The following CPVL variants were observed in gnomAD, a reference collection of about 807,000 sequenced individuals.
CPVL encodes the protein carboxypeptidase vitellogenic like.
Under a neutral mutation model 63.7 loss-of-function variants are expected in CPVL, and 51 were observed. That is an observed-to-expected ratio of 0.80 (90% CI 0.64 to 1.01). The LOEUF (loss-of-function observed/expected upper bound fraction) is 1.01, where lower values mean the gene tolerates loss of function less well. CPVL is among the 50% of genes least tolerant of loss of function. The pLI is 0.00. For missense variants in CPVL, 530 were observed against 573.1 expected (o/e 0.92, Z 0.77); for synonymous variants, 195 against 206.0 (o/e 0.95, Z 0.46).
intron 5 of CPVL, among the ~76,000 whole-genome samples, chr7:29,168,215 G>A (rs958788079): frequency 1.6e-4 from 25 of 152,032 alleles, no homozygotes; most frequent in South Asian, 1.5e-3. Context: ...ATAAAATGTC[G>A]GTTTATTTGT....
Position 29,096,146 on chromosome 7 carries a change from G to A in CPVL, c.360C>T (p.Leu120=). ...GGPGGSSMFG[L]FVEHGPYVVT... ...CAACATAAGGCCCATGTTCCACAAA[G>A]AGTCCAAACATGGATGAACCTCCCG... Residue 120 remains leucine, a synonymous_variant, in exon 4 of 13, where the codon CTC becomes CTT. Transcript: ENST00000265394. 2 of 1,614,182 alleles carry A rather than the reference G, an allele frequency of 1.2e-6. No individual in the cohort carries two copies. The highest frequency in any genetic ancestry group is 1.6e-4 in the Middle Eastern group (1 of 6,062).
At chr7:29,029,611 T>C (rs317748) in intron 12 of CPVL, among the ~76,000 whole-genome samples, 55,584 of 152,010 alleles carry the variant, frequency 0.37, 10,305 homozygotes, top group Middle Eastern at 0.43. Flanking sequence ...GTTAATTTCA[T>C]GGAGGTAGAG....
At chr7:29,047,471 C>G (rs1269499775) in intron 11 of CPVL, among the ~76,000 whole-genome samples, 1 of 151,892 alleles carries the variant, frequency 6.6e-6, no homozygotes, top group Non-Finnish European at 1.5e-5. Context: ...TCAAATTAAC[C>G]CAGTCCAGCA....
At chr7:29,098,712 T>G (rs1387927413) in intron 3 of CPVL, among the ~76,000 whole-genome samples, 2 of 152,156 alleles carry the variant, frequency 1.3e-5, no homozygotes, top group East Asian at 3.9e-4. Context: ...CCCACCAGTG[T>G]GTAACTTTTG....
chr7:29,047,514 A>C (rs2128170370), intron 11 of CPVL, among the ~76,000 whole-genome samples: 1 of 152,304 alleles, frequency 6.6e-6, no homozygotes, highest in Non-Finnish European at 1.5e-5. Flanking sequence ...GAAAATATGA[A>C]CAAAGCCTCC....
At chr7:29,090,072 A>G (rs1425920989) in intron 6 of CPVL, among the ~76,000 whole-genome samples, 1 of 152,154 alleles carries the variant, frequency 6.6e-6, no homozygotes, top group African/African-American at 2.4e-5. Context: ...CATGTTGGTC[A>G]GGCTGGTCTG....
intron 7 of CPVL, among the ~76,000 whole-genome samples, chr7:29,081,915 CA>C (rs1236762710): frequency 6.6e-6 from 1 of 152,124 alleles, no homozygotes; most frequent in Non-Finnish European, 1.5e-5. Context: ...AGGTTCTGAA[CA>C]GCTGCTCCAG....
At chr7:29,061,820 C>T (rs1791309750) in intron 11 of CPVL, among the ~76,000 whole-genome samples, 1 of 151,956 alleles carries the variant, frequency 6.6e-6, no homozygotes, top group African/African-American at 2.4e-5. Flanking sequence ...GTGGCACATG[C>T]CTATAATCCC....
Position 29,096,165 on chromosome 7 carries a change from C to A in CPVL, c.341G>T (p.Gly114Val), listed in dbSNP as rs1172929078. ...VVLWLQGGPGGSSMFGLFVEH... is the reference protein window; with the variant it reads ...VVLWLQGGPGVSSMFGLFVEH... ...CACAAAGAGTCCAAACATGGATGAA[C>A]CTCCCGGCCCACCCTGTAGCCAGAG... The change falls in exon 4 of 13, where the codon GGT becomes GTT. Residue 114 changes from glycine to valine, a missense_variant. By Grantham distance (109) the Gly-to-Val change is moderately radical (BLOSUM62 -3). Coordinates refer to ENST00000265394, the MANE Select transcript of CPVL (RefSeq NM_031311.5). 1 of 1,614,094 alleles carries A rather than the reference C, an allele frequency of 6.2e-7. No homozygotes were observed. Among genetic ancestry groups the A allele is most frequent in the East Asian group, 2.2e-5 (1 of 44,896 alleles).
intron 7 of CPVL, among the ~76,000 whole-genome samples, chr7:29,077,397 A>G (rs1467987783): frequency 5.9e-5 from 9 of 152,222 alleles, no homozygotes; most frequent in African/African-American, 2.2e-4. Context: ...AGTGATAATG[A>G]GCAATGGCTT....
intron 3 of CPVL, among the ~76,000 whole-genome samples, chr7:29,102,576 G>C (rs17157514): frequency 0.15 from 22,853 of 152,106 alleles, 2,226 homozygotes; most frequent in East Asian, 0.37. Flanking sequence ...GGACAAAAAA[G>C]TTCTAAATAT....
At chr7:29,139,996 T>C (rs1055726529) in intron 1 of CPVL, among the ~76,000 whole-genome samples, 2 of 152,230 alleles carry the variant, frequency 1.3e-5, no homozygotes, top group African/African-American at 4.8e-5. Context: ...GGTCTGCACA[T>C]GACTCAGAAT....
At chr7:29,056,156 T>C (rs191341097) in intron 11 of CPVL, among the ~76,000 whole-genome samples, 65 of 152,322 alleles carry the variant, frequency 4.3e-4, no homozygotes, top group Middle Eastern at 3.4e-3. Context: ...CACAGCGATG[T>C]ATTTGTTACA....
chr7:29,107,297 C>T (rs1399157075), intron 3 of CPVL, among the ~76,000 whole-genome samples: 1 of 152,224 alleles, frequency 6.6e-6, no homozygotes, highest in African/African-American at 2.4e-5. Context: ...ATGAAGAGCA[C>T]TGGGAACTAG....
intron 5 of CPVL, among the ~76,000 whole-genome samples, chr7:29,173,949 C>CAAAA (rs74313059): frequency 8.6e-6 from 1 of 115,818 alleles, no homozygotes; most frequent in Non-Finnish European, 1.8e-5. Context: ...GAGACTGACT[C>CAAAA]AAAAAAAAAA....
rs1400897229 is a variant in CPVL, at chr7:29,180,852, A to C, written c.-11+438T>G. On this transcript the variant is annotated intron_variant, in intron 5 of 16. Coordinates refer to the CPVL transcript ENST00000409850. ...TCATCCGTATACCTCTTGGAGTTCT[A>C]ATTTGTAATATGGAGATAATAAGCA... 1.3e-5 allele frequency among the ~76,000 whole-genome samples: 2 copies of C among 152,200 alleles called. 1 individual carries two copies. Among genetic ancestry groups the C allele is most frequent in the East Asian group, 3.9e-4 (2 of 5,194 alleles).
In CPVL at chr7:29,188,948, C is replaced by CTTTT. The variant is rs11376135; in HGVS notation, c.-447-2405_-447-2402dup. Among the ~76,000 whole-genome samples the CTTTT allele has an allele frequency of 1.1e-3, 145 of 129,954 alleles. 1 individual carries two copies. The highest frequency in any genetic ancestry group is 3.9e-3 in the African/African-American group (135 of 34,234). 85.3% of individuals were successfully genotyped at this position (129,954 alleles called of 152,430 possible). A position where few individuals can be genotyped will look rare whatever the true frequency, so the allele number is the denominator to read the frequency against. On this transcript the variant is annotated intron_variant, in intron 1 of 16. Transcript: ENST00000409850. ...AGCAAGGATATAGTTTTCCTCATACCTTTTTTTTTTTTTTTTTTGAGACAG... is the reference window on the plus strand; with the variant it reads ...AGCAAGGATATAGTTTTCCTCATACCTTTTTTTTTTTTTTTTTTTTTTGAGACAG...
chr7:28,995,922 T>C (rs2128119274), intron 12 of CPVL, 40 bp from the exon 13 acceptor site: 6 of 1,147,910 alleles, frequency 5.2e-6, no homozygotes, highest in East Asian at 2.4e-5. Flanking sequence ...TTTAGAGAAA[T>C]GGATATTCTA....
At chr7:29,030,868 T>C in intron 11 of CPVL, 109 bp from the exon 12 acceptor site, 1 of 931,674 alleles carries the variant, frequency 1.1e-6, no homozygotes, top group Non-Finnish European at 1.6e-6. Context: ...GACATGAATC[T>C]CTCTGAGATT....
Sources: allele counts gnomAD v4.1 joint callset (sites outside exome capture counted in the v4.1 genomes callset), GRCh38; gene constraint gnomAD v4.1.1; transcripts MANE v1.5; gene names NCBI Gene and HGNC (gene_info 2026-07-23, HGNC 2026-07-21).